The following PZP variants were observed in gnomAD, a reference collection of about 807,000 sequenced individuals.
PZP encodes the protein pregnancy zone protein.
A neutral mutation model predicts 179.8 loss-of-function variants in PZP; 150 were observed. The ratio of observed to expected loss-of-function variants is 0.83; its 90% CI spans 0.73 to 0.96. PZP has a LOEUF of 0.96. Among genes scored for constraint, PZP ranks in the 40% least tolerant of loss-of-function variants. PZP has a pLI of 0.00. For synonymous variants in PZP, 624 were observed against 652.3 expected (o/e 0.96, Z 0.66); for missense variants, 1,689 against 1,764.0 (o/e 0.96, Z 0.76).
intron 7 of PZP, among the ~76,000 whole-genome samples, chr12:9,198,354 A>G (rs752699231): frequency 6.6e-6 from 1 of 152,246 alleles, no homozygotes; most frequent in South Asian, 2.1e-4. Flanking sequence ...TACTAAAAAA[A>G]TGTTTCTTCC....
chr12:9,203,337 C>CTTT (rs528084441), intron 2 of PZP, among the ~76,000 whole-genome samples: 89 of 114,584 alleles, frequency 7.8e-4, no homozygotes, highest in Middle Eastern at 5.2e-3. Flanking sequence ...AACTACATTC[C>CTTT]TTTTTTTTTT....
At position 9,201,340 on chromosome 12, in the gene PZP, A is replaced by C. The variant is rs1402470227; in HGVS notation, c.488T>G (p.Leu163Arg). 2 of 1,557,026 alleles carry C rather than the reference A, an allele frequency of 1.3e-6. No individual in the cohort carries two copies. The highest frequency in any genetic ancestry group is 2.2e-5 in the East Asian group (1 of 44,550). ...TCTGATACTTACCTCAAGGTATATC[A>C]GTGGAATCTATATGATAAAAGGAAA... ...NFRPRNELIP[L>R]IYLENPRRNR... Residue 163 changes from leucine to arginine, a missense_variant, in exon 5 of 36, where the codon CTG (leucine) becomes CGG (arginine). Physicochemically the swap from Leu to Arg is moderately radical, Grantham distance 102. Coordinates refer to ENST00000261336, the MANE Select transcript of PZP (RefSeq NM_002864.3).
Position 9,152,230 on chromosome 12 carries a change from G to C in PZP, c.4202C>G (p.Thr1401Arg). ...TTAAAATACACCTACCATTTTTACT[G>C]TTGGTTTCAGGGGAATAAAACCAGA... ...MVSGFIPLKPTVKMLERSSSV... is the reference protein window; with the variant it reads ...MVSGFIPLKPRVKMLERSSSV... The change falls in exon 32 of 36, where the codon ACA (threonine) becomes AGA (arginine). Residue 1401 changes from threonine (T) to arginine (R), a missense_variant. Thr to Arg is a moderately conservative substitution (Grantham distance 71, BLOSUM62 -1). Transcript: ENST00000261336. 6.2e-7 allele frequency: 1 copy of C among 1,603,540 alleles called. No homozygotes were observed. The highest frequency in any genetic ancestry group is 8.5e-7 in the Non-Finnish European group (1 of 1,170,494).
intron 27 of PZP, 63 bp from the exon 28 acceptor site, chr12:9,157,418 C>G (rs1263511387): frequency 6.9e-7 from 1 of 1,444,488 alleles, no homozygotes; most frequent in Non-Finnish European, 9.5e-7. Flanking sequence ...AAGCTGAGAG[C>G]TGGATATTGA....
At chr12:9,201,395 G>T (rs199707907) in intron 4 of PZP, 48 bp from the exon 5 acceptor site, 3 of 1,467,932 alleles carry the variant, frequency 2.0e-6, no homozygotes, top group African/African-American at 2.8e-5. Flanking sequence ...TCCAGCAAAG[G>T]CTACAATTTC....
intron 22 of PZP, among the ~76,000 whole-genome samples, chr12:9,161,575 C>T (rs1418104538): frequency 6.6e-6 from 1 of 152,150 alleles, no homozygotes; most frequent in East Asian, 1.9e-4. Flanking sequence ...GGAACTATCG[C>T]TCTCCACTTT....
At chr12:9,147,460 T>C (rs917067936), downstream of PZP, among the ~76,000 whole-genome samples, 13 of 152,204 alleles carry the variant, frequency 8.5e-5, no homozygotes, top group Non-Finnish European at 1.9e-4. Context: ...TTCTGTTTTT[T>C]AGCCTCTCAT....
At chr12:9,179,642 C>T (rs778037963) in intron 15 of PZP, among the ~76,000 whole-genome samples, 1 of 152,172 alleles carries the variant, frequency 6.6e-6, no homozygotes, top group African/African-American at 2.4e-5. Flanking sequence ...CATGACTTCC[C>T]TTATGTTTGC....
At chr12:9,137,452 G>T in the PZP span, among the ~76,000 whole-genome samples, 1 of 152,078 alleles carries the variant, frequency 6.6e-6, no homozygotes, top group South Asian at 2.1e-4. Flanking sequence ...TTGAAATTAG[G>T]AAGTGTGAGT....
At chr12:9,195,227 A>G (rs1489801154) in intron 10 of PZP, among the ~76,000 whole-genome samples, 1 of 152,218 alleles carries the variant, frequency 6.6e-6, no homozygotes, top group Non-Finnish European at 1.5e-5. Context: ...TGATGTATCA[A>G]TTTTTAAAAA....
intron 10 of PZP, 49 bp from the exon 11 acceptor site, chr12:9,194,287 G>A: frequency 6.4e-7 from 1 of 1,565,498 alleles, no homozygotes; most frequent in Non-Finnish European, 8.7e-7. Context: ...ACCCAGAGAG[G>A]ACTGAACTCA....
At chr12:9,189,675 A>C (rs1473092551) in intron 13 of PZP, among the ~76,000 whole-genome samples, 1 of 152,228 alleles carries the variant, frequency 6.6e-6, no homozygotes, top group Non-Finnish European at 1.5e-5. Context: ...TCTGCACAGC[A>C]AAAGAAACTA....
At chr12:9,146,765 G>A (rs1274003874), downstream of PZP, among the ~76,000 whole-genome samples, 2 of 152,058 alleles carry the variant, frequency 1.3e-5, no homozygotes, top group Non-Finnish European at 2.9e-5. Flanking sequence ...ATGAGCTAGG[G>A]GAGTTATAGT....
Position 9,182,119 on chromosome 12 carries a change from T to A in PZP, c.1547-2A>T. 2 of 821,292 alleles carry A rather than the reference T, an allele frequency of 2.4e-6. No homozygotes were observed. Among genetic ancestry groups the A allele is most frequent in the Non-Finnish European group, 3.3e-6 (2 of 607,164 alleles). The allele number at this position is 821,292 out of a possible 1,614,324, so 50.9% of individuals were successfully genotyped here. A position where few individuals can be genotyped will look rare whatever the true frequency, so the allele number is the denominator to read the frequency against. On this transcript the variant is annotated splice_acceptor_variant, in intron 13 of 35. Transcript: ENST00000261336. LOFTEE classifies it high-confidence loss of function. ...AGGATAAGGCAAAACTGCCTTTCAC[T>A]GGAACATGGAGAGAGTGAGACAAAA...
At chr12:9,172,879 G>A (rs943099903) in intron 15 of PZP, among the ~76,000 whole-genome samples, 1 of 152,156 alleles carries the variant, frequency 6.6e-6, no homozygotes, top group East Asian at 1.9e-4. Flanking sequence ...ATAATAGCGA[G>A]AGACTTTAAC....
chr12:9,146,222 T>G (rs922132893), downstream of PZP, among the ~76,000 whole-genome samples: 1 of 152,088 alleles, frequency 6.6e-6, no homozygotes, highest in Non-Finnish European at 1.5e-5. Flanking sequence ...TATTTCTTTG[T>G]CTTTTTTTCT....
At chr12:9,150,617 A>G in intron 34 of PZP, 27 bp downstream of exon 34, 1 of 1,458,156 alleles carries the variant, frequency 6.9e-7, no homozygotes, top group South Asian at 1.2e-5. Flanking sequence ...GCTCTGGTTA[A>G]GATTGTTTCA....
intron 28 of PZP, among the ~76,000 whole-genome samples, chr12:9,156,824 T>C (rs1325299821): frequency 2.0e-5 from 3 of 152,334 alleles, no homozygotes; most frequent in African/African-American, 7.2e-5. Flanking sequence ...GTAGAATCAG[T>C]GTAAATGGAA....
intron 2 of PZP, among the ~76,000 whole-genome samples, chr12:9,203,422 A>T (rs1944284336): frequency 1.3e-5 from 2 of 149,102 alleles, no homozygotes; most frequent in South Asian, 4.2e-4. Flanking sequence ...GCTCACTGCA[A>T]ACTTCGCCTC....
Sources: allele counts gnomAD v4.1 joint callset (sites outside exome capture counted in the v4.1 genomes callset), GRCh38; gene constraint gnomAD v4.1.1; transcripts MANE v1.5; gene names NCBI Gene and HGNC (gene_info 2026-07-23, HGNC 2026-07-21).